Variants in PCDHGA6 observed in about 807,000 individuals in gnomAD.
PCDHGA6 encodes protocadherin gamma-A6.
A neutral mutation model predicts 60.6 loss-of-function variants in PCDHGA6; 41 were observed. That is an observed-to-expected ratio of 0.68 (90% CI 0.53 to 0.88). The LOEUF (loss-of-function observed/expected upper bound fraction) is 0.88, where lower values mean the gene tolerates loss of function less well. PCDHGA6 is among the 40% of genes least tolerant of loss of function. PCDHGA6 has a pLI of 0.00. For synonymous variants in PCDHGA6, 594 were observed against 524.4 expected (o/e 1.13, Z -1.81); for missense variants, 1,312 against 1,203.0 (o/e 1.09, Z -1.34).
intron 1 of PCDHGA6, chr5:141,378,221 G>C (rs1378453601): frequency 6.6e-6 from 1 of 152,182 alleles, no homozygotes; most frequent in Non-Finnish European, 1.5e-5. Context: ...CTGTGTGCCT[G>C]ATAGTATTTA....
chr5:141,421,997 G>A, intron 1 of PCDHGA6: 1 of 1,609,178 alleles, frequency 6.2e-7, no homozygotes. Flanking sequence ...GAAAACATCA[G>A]CTCCGGAACT....
intron 1 of PCDHGA6, chr5:141,404,610 T>G (rs1207198913): frequency 6.2e-7 from 1 of 1,614,130 alleles, no homozygotes. Context: ...CTGTTTGTTT[T>G]GGACCAGAAT....
At chr5:141,379,009 A>T (rs1310996873) in intron 1 of PCDHGA6, 1 of 152,210 alleles carries the variant, frequency 6.6e-6, no homozygotes, top group Non-Finnish European at 1.5e-5. Flanking sequence ...ATTTTTCTCC[A>T]GTCATGAGTT....
At position 141,431,317 on chromosome 5, in the gene PCDHGA6, C is replaced by T. The variant is rs778667104; in HGVS notation, c.2424+54810C>T. ...TCTCCCTCATCGTGCAAAATGGAGC[C>T]GACGGTAGTAAGTACCCCGAATTGG... On this transcript the variant is annotated intron_variant, in intron 1 of 3. Coordinates refer to ENST00000517434, the MANE Select transcript of PCDHGA6 (RefSeq NM_018919.3). This position sits in a 1 kb window ranked among gnomAD's most constrained non-coding sequence, Gnocchi z 4.8. The T allele has an allele frequency of 6.2e-6, 10 of 1,613,964 alleles. No homozygotes were observed. The highest frequency in any genetic ancestry group is 7.6e-6 in the Non-Finnish European group (9 of 1,180,046).
intron 1 of PCDHGA6, chr5:141,404,926 C>CA (rs765817542): frequency 1.2e-6 from 2 of 1,613,884 alleles, no homozygotes; most frequent in Non-Finnish European, 1.7e-6. Context: ...CGGCCACTGT[C>CA]ACGCTCACAG....
At chr5:141,506,649 T>C (rs1487823663) in intron 3 of PCDHGA6, among the ~76,000 whole-genome samples, 1 of 152,114 alleles carries the variant, frequency 6.6e-6, no homozygotes, top group Admixed American at 6.6e-5. Context: ...CAGCACAGGA[T>C]TGGCAGAGAG....
chr5:141,476,328 G>C lies in PCDHGA6; in HGVS notation c.2425-18479G>C, dbSNP rs1381722714. On this transcript the variant is annotated intron_variant, in intron 1 of 3. Coordinates refer to ENST00000517434, the MANE Select transcript of PCDHGA6 (RefSeq NM_018919.3). This position sits in a 1 kb window ranked among gnomAD's most constrained non-coding sequence, Gnocchi z 7.6. Reference sequence around the variant, plus strand: ...GCCCGCAGGTTCCGGGTGGTGTCTGGAGCTAGCCGAAGATTCTTTGAGGTG... The same window carrying C: ...GCCCGCAGGTTCCGGGTGGTGTCTGCAGCTAGCCGAAGATTCTTTGAGGTG... 1 of 1,614,176 alleles carries C rather than the reference G, an allele frequency of 6.2e-7. No individual in the cohort carries two copies. Among genetic ancestry groups the C allele is most frequent in the East Asian group, 2.2e-5 (1 of 44,864 alleles).
intron 1 of PCDHGA6, among the ~76,000 whole-genome samples, chr5:141,469,206 A>T (rs752389937): frequency 6.6e-6 from 1 of 150,920 alleles, no homozygotes; most frequent in African/African-American, 2.4e-5. Flanking sequence ...AGCCTTTTGA[A>T]GTTGAGGCTT....
chr5:141,419,744 G>C (rs760207269), intron 1 of PCDHGA6: 1 of 1,613,896 alleles, frequency 6.2e-7, no homozygotes, highest in Non-Finnish European at 8.5e-7. Context: ...GGTGCGCATG[G>C]TGCGTGCTTT....
chr5:141,389,471 A>T (rs1425309295), intron 1 of PCDHGA6: 1 of 1,613,092 alleles, frequency 6.2e-7, no homozygotes, highest in Non-Finnish European at 8.5e-7. Flanking sequence ...TCGAACTCAC[A>T]CTGCAGGCCC....
At chr5:141,478,251 T>C in intron 1 of PCDHGA6, 1 of 1,614,072 alleles carries the variant, frequency 6.2e-7, no homozygotes, top group Non-Finnish European at 8.5e-7. Context: ...GTGTTCGGAG[T>C]AATCATATTC....
At chr5:141,430,837 C>G (rs1350348914) in intron 1 of PCDHGA6, 1 of 1,560,074 alleles carries the variant, frequency 6.4e-7, no homozygotes, top group Non-Finnish European at 8.6e-7. Context: ...TGTGGGAGAC[C>G]GGATGCACCC....
intron 1 of PCDHGA6, among the ~76,000 whole-genome samples, chr5:141,474,082 C>CA (rs1449032579): frequency 1.3e-5 from 2 of 152,064 alleles, no homozygotes; most frequent in African/African-American, 4.8e-5. Context: ...AAACAAAAAC[C>CA]AAAAAACAAA....
At chr5:141,402,872 T>C in intron 1 of PCDHGA6, 1 of 1,455,372 alleles carries the variant, frequency 6.9e-7, no homozygotes, top group Non-Finnish European at 9.1e-7. Flanking sequence ...AAGATCACCA[T>C]ACTTTGCAGG....
chr5:141,448,192 TACAAAC>T (rs2098573842), intron 1 of PCDHGA6, among the ~76,000 whole-genome samples: 1 of 152,188 alleles, frequency 6.6e-6, no homozygotes, highest in Non-Finnish European at 1.5e-5. Flanking sequence ...TATGTACACT[TACAAAC>T]ATTTTCTGTG....
chr5:141,404,617 G>A (rs760355068), intron 1 of PCDHGA6: 4 of 1,614,032 alleles, frequency 2.5e-6, no homozygotes, highest in Non-Finnish European at 2.5e-6. Flanking sequence ...TTTTGGACCA[G>A]AATGACAATG....
intron 1 of PCDHGA6, chr5:141,400,421 G>A (rs1158396440): frequency 1.2e-6 from 2 of 1,613,948 alleles, no homozygotes. Flanking sequence ...TTCCTAAAAT[G>A]TAGTGAGCAA....
At position 141,399,350 on chromosome 5, in the gene PCDHGA6, G is replaced by A. The variant is rs746925566; in HGVS notation, c.2424+22843G>A. On this transcript the variant is annotated intron_variant, in intron 1 of 3. Transcript: ENST00000517434. ...TTGGTAACAGATGGAACCCTAGACC[G>A]AGAGCAAACCCCGGAGTACAATGTC... is the stretch of plus-strand genomic sequence containing the variant. The A allele has an allele frequency of 6.8e-6, 11 of 1,613,966 alleles. No individual in the cohort carries two copies. The South Asian group carries it at 1.1e-4, about 16-fold the overall frequency.
In PCDHGA6 at chr5:141,489,412, G is replaced by C; in HGVS notation, c.2425-5395G>C. On this transcript the variant is annotated intron_variant, in intron 1 of 3. Coordinates refer to ENST00000517434, the MANE Select transcript of PCDHGA6 (RefSeq NM_018919.3). The surrounding 1 kb of genome is among the most constrained non-coding windows in gnomAD (Gnocchi z 4.5). ...TCAGGATCTGGGCTTAAAGATGACAGATCTGTTGAGCCGGCGGCTGCAATT... is the reference window on the plus strand; with the variant it reads ...TCAGGATCTGGGCTTAAAGATGACACATCTGTTGAGCCGGCGGCTGCAATT... The C allele has an allele frequency of 6.2e-7, 1 of 1,614,172 alleles. No individual in the cohort carries two copies. Among genetic ancestry groups the C allele is most frequent in the Non-Finnish European group, 8.5e-7 (1 of 1,180,040 alleles).
Sources: gnomAD v4.1 joint callset for allele counts (sites outside exome capture counted in the v4.1 genomes callset) on GRCh38, gnomAD v4.1.1 for gene constraint, Gnocchi (gnomAD v3.1) non-coding constraint, MANE v1.5 for transcripts, NCBI Gene and HGNC (gene_info 2026-07-23, HGNC 2026-07-21) for gene names.